TMEM132C: variants seen among roughly 807,000 people sequenced by gnomAD.
The protein encoded by TMEM132C is transmembrane protein 132C.
A neutral mutation model predicts 61.4 loss-of-function variants in TMEM132C; 29 were observed. That is an observed-to-expected ratio of 0.47 (90% CI 0.35 to 0.64). The LOEUF is 0.64. Ranked by LOEUF, TMEM132C falls within the 30% of genes least tolerant of loss-of-function variation. The probability of loss-of-function intolerance (pLI) is 0.00; values close to 1 mark genes in which losing one functional copy is unlikely to be tolerated. For synonymous variants in TMEM132C, 656 were observed against 633.1 expected, an observed-to-expected ratio of 1.04 and a Z score of -0.54; for missense variants, 1,408 against 1,476.9, an observed-to-expected ratio of 0.95 and a Z score of 0.76.
At chr12:128,459,551 A>T (rs572244033) in intron 2 of TMEM132C, among the ~76,000 whole-genome samples, 1 of 152,234 alleles carries the variant, frequency 6.6e-6, no homozygotes, top group Non-Finnish European at 1.5e-5. Context: ...TCATTGGTGA[A>T]AATAAGAAAA....
chr12:128,321,138 AAAT>A (rs58166037), intron 1 of TMEM132C, among the ~76,000 whole-genome samples: 27,129 of 143,498 alleles, frequency 0.19, 3,048 homozygotes, highest in African/African-American at 0.31. Context: ...CATTTTTGAA[AAAT>A]AATAATAATA....
At chr12:128,581,347 G>A (rs781738520) in intron 3 of TMEM132C, among the ~76,000 whole-genome samples, 17 of 151,782 alleles carry the variant, frequency 1.1e-4, no homozygotes, top group Admixed American at 3.9e-4. Context: ...GTCAGTCCTT[G>A]AACAAATGTG....
At chr12:128,338,659 C>T (rs1872859572) in intron 1 of TMEM132C, among the ~76,000 whole-genome samples, 1 of 151,784 alleles carries the variant, frequency 6.6e-6, no homozygotes, top group Admixed American at 6.6e-5. Flanking sequence ...CCTCCCACTC[C>T]TTTCTAAGCT....
chr12:128,667,346 C>CCGAG (rs2135628789), intron 4 of TMEM132C, among the ~76,000 whole-genome samples: 1 of 152,226 alleles, frequency 6.6e-6, no homozygotes, highest in East Asian at 1.9e-4. Context: ...AGACTGAACT[C>CCGAG]CAAGCACATT....
At chr12:128,392,522 A>T (rs1220446189) in intron 1 of TMEM132C, among the ~76,000 whole-genome samples, 1 of 152,080 alleles carries the variant, frequency 6.6e-6, no homozygotes, top group African/African-American at 2.4e-5. Context: ...GTCATGAAGG[A>T]GCAAAGTGTG....
intron 4 of TMEM132C, among the ~76,000 whole-genome samples, chr12:128,660,968 C>T (rs1018323308): frequency 1.3e-5 from 2 of 151,498 alleles, no homozygotes; most frequent in Non-Finnish European, 2.9e-5. Context: ...GATTAGATAG[C>T]GAGAGGTAAG....
chr12:128,544,923 A>G lies in TMEM132C; in HGVS notation c.1121+820A>G, dbSNP rs545522920. ...GGATTTAACGTAACAGAAACAACCAACCATGCCTGTATTTTACCATTTAGG... is the reference window on the plus strand; with the variant it reads ...GGATTTAACGTAACAGAAACAACCAGCCATGCCTGTATTTTACCATTTAGG... On this transcript the variant is annotated intron_variant, in intron 3 of 8. Coordinates refer to ENST00000435159, the MANE Select transcript of TMEM132C (RefSeq NM_001136103.3). Among the ~76,000 whole-genome samples, 174 of 152,226 alleles carry G rather than the reference A, an allele frequency of 1.1e-3. 1 individual carries two copies. The highest frequency in any genetic ancestry group is 2.0e-3 in the Non-Finnish European group (139 of 68,040).
intron 2 of TMEM132C, among the ~76,000 whole-genome samples, chr12:128,462,763 T>C (rs1411866291): frequency 2.6e-5 from 4 of 152,168 alleles, no homozygotes; most frequent in African/African-American, 9.7e-5. Context: ...GGAATGCTTG[T>C]AACCTTGATG....
chr12:128,493,576 C>A (rs7298314), intron 2 of TMEM132C, among the ~76,000 whole-genome samples: 1,758 of 152,076 alleles, frequency 0.012, 40 homozygotes, highest in African/African-American at 0.039. Flanking sequence ...ATCCCTTATA[C>A]GTTGGATTCC....
chr12:128,450,990 C>T (rs960716397), intron 2 of TMEM132C, among the ~76,000 whole-genome samples: 3 of 151,844 alleles, frequency 2.0e-5, no homozygotes, highest in African/African-American at 7.3e-5. Context: ...GGAAGTAAGC[C>T]GAAAGCATGA....
At chr12:128,315,456 T>TC (rs1173370724) in intron 1 of TMEM132C, among the ~76,000 whole-genome samples, 28 of 152,216 alleles carry the variant, frequency 1.8e-4, no homozygotes, top group African/African-American at 5.5e-4. Flanking sequence ...ACCGCGCCAT[T>TC]TCAGATGAGA....
At chr12:128,457,305 T>TAAAAAA (rs578230110) in intron 2 of TMEM132C, among the ~76,000 whole-genome samples, 3 of 120,894 alleles carry the variant, frequency 2.5e-5, no homozygotes, top group Non-Finnish European at 3.6e-5. Context: ...TCTCCATCTG[T>TAAAAAA]AAAAAAAAAA....
chr12:128,355,072 C>T (rs1873458065), intron 1 of TMEM132C, among the ~76,000 whole-genome samples: 1 of 152,206 alleles, frequency 6.6e-6, no homozygotes, highest in South Asian at 2.1e-4. Context: ...CTAAATCCCT[C>T]CCCCTGCAGT....
intron 1 of TMEM132C, among the ~76,000 whole-genome samples, chr12:128,299,686 A>G (rs889370787): frequency 6.6e-6 from 1 of 152,236 alleles, no homozygotes; most frequent in African/African-American, 2.4e-5. Context: ...GGAGAGAATC[A>G]GGCAAGGGTG....
chr12:128,483,762 T>C (rs77475670), intron 2 of TMEM132C, among the ~76,000 whole-genome samples: 8,607 of 152,190 alleles, frequency 0.057, 777 homozygotes, highest in African/African-American at 0.19. Flanking sequence ...TAGCCATCGT[T>C]AGAGATTGTA....
intron 2 of TMEM132C, among the ~76,000 whole-genome samples, chr12:128,532,300 A>G (rs1316430386): frequency 4.6e-5 from 7 of 152,134 alleles, no homozygotes; most frequent in Non-Finnish European, 1.0e-4. Flanking sequence ...AAATGACTAT[A>G]TATGCAATAA....
rs1565905932 is a variant in TMEM132C at position 128,340,777 on chromosome 12, T to TTCTCTCTC, written c.85+73293_85+73294insCTCTCTCT. Among the ~76,000 whole-genome samples, 117 of 140,832 alleles carry TTCTCTCTC rather than the reference T, an allele frequency of 8.3e-4. 1 individual carries two copies. The highest frequency in any genetic ancestry group is 3.5e-3 in the African/African-American group (111 of 31,788). 92.4% of individuals were successfully genotyped at this position (140,832 alleles called of 152,430 possible). On this transcript the variant is annotated intron_variant, in intron 1 of 8. Coordinates refer to ENST00000435159, the MANE Select transcript of TMEM132C (RefSeq NM_001136103.3). Reference sequence around the variant, plus strand: ...TTTCTTTCTTTCTTTCTATTTTTCTTTCTTTCTCTCTCTCTCTCTCTCTTT... The same window carrying TTCTCTCTC: ...TTTCTTTCTTTCTTTCTATTTTTCTTTCTCTCTCTCTTTCTCTCTCTCTCTCTCTCTTT...
At chr12:128,472,936 A>G (rs73422509) in intron 2 of TMEM132C, among the ~76,000 whole-genome samples, 12,917 of 152,288 alleles carry the variant, frequency 0.085, 635 homozygotes, top group Middle Eastern at 0.11. Context: ...TCCAAAATGT[A>G]GTGGCTTAAA....
chr12:128,594,888 C>A (rs1875891641), intron 3 of TMEM132C, among the ~76,000 whole-genome samples: 1 of 152,238 alleles, frequency 6.6e-6, no homozygotes, highest in Admixed American at 6.5e-5. Context: ...AATTGGAGGT[C>A]CCCTCGGATT....
Sources: allele counts gnomAD v4.1 joint callset (sites outside exome capture counted in the v4.1 genomes callset), GRCh38; gene constraint gnomAD v4.1.1; transcripts MANE v1.5; gene names NCBI Gene and HGNC (gene_info 2026-07-23, HGNC 2026-07-21).